PKN2: variants seen among roughly 807,000 people sequenced by gnomAD.
The protein encoded by PKN2 is serine/threonine-protein kinase N2.
A neutral mutation model predicts 119.1 loss-of-function variants in PKN2; 38 were observed. The ratio of observed to expected loss-of-function variants is 0.32; its 90% CI spans 0.25 to 0.42. The LOEUF (loss-of-function observed/expected upper bound fraction) is 0.42. PKN2 is among the 10% of genes least tolerant of loss of function. The probability of loss-of-function intolerance (pLI) is 1.00; values close to 1 mark genes in which losing one functional copy is unlikely to be tolerated. For synonymous variants in PKN2, 390 were observed against 384.9 expected (o/e 1.01, Z -0.15); for missense variants, 850 against 1,165.1 (o/e 0.73, Z 3.94).
At position 88,784,661 on chromosome 1, in the gene PKN2, G is replaced by A; in HGVS notation, c.1008G>A (p.Met336Ile). The part of the protein sequence containing the change: ...ALTGTLEVRL[M>I]GCQDILENVP... ...CAGGTACTTTGGAAGTTCGTCTTAT[G>A]GGCTGCCAAGATATCCTAGAGAATG... The change falls in exon 7 of 22, where the codon ATG becomes ATA. Residue 336 changes from methionine (M) to isoleucine (I), a missense_variant. Physicochemically the swap from Met to Ile is conservative, Grantham distance 10. Transcript: ENST00000370521. 6.3e-7 allele frequency: 1 copy of A among 1,583,200 alleles called. No homozygotes were observed. The highest frequency in any genetic ancestry group is 8.6e-7 in the Non-Finnish European group (1 of 1,165,374).
chr1:88,781,463 A>G (rs1218591041), intron 6 of PKN2, among the ~76,000 whole-genome samples: 1 of 151,208 alleles, frequency 6.6e-6, no homozygotes, highest in Non-Finnish European at 1.5e-5. Context: ...GAAAATTTTT[A>G]AAGCATTTAC....
At chr1:88,801,831 T>C (rs1306948113) in intron 8 of PKN2, among the ~76,000 whole-genome samples, 2 of 152,180 alleles carry the variant, frequency 1.3e-5, no homozygotes, top group Non-Finnish European at 2.9e-5. Context: ...GACATATATA[T>C]CCCTTATGCA....
chr1:88,786,256 T>C, intron 8 of PKN2, 43 bp downstream of exon 8: 1 of 984,296 alleles, frequency 1.0e-6, no homozygotes, highest in South Asian at 1.4e-5. Context: ...TTATAATTCA[T>C]TTTAAATGTG....
chr1:88,821,669 G>A (rs367811589), intron 16 of PKN2, among the ~76,000 whole-genome samples: 31 of 152,038 alleles, frequency 2.0e-4, no homozygotes, highest in African/African-American at 7.0e-4. Flanking sequence ...ATGTTATATT[G>A]TAATTCCTCC....
intron 19 of PKN2, among the ~76,000 whole-genome samples, chr1:88,830,125 TG>T (rs1672673925): frequency 6.6e-6 from 1 of 152,176 alleles, no homozygotes; most frequent in African/African-American, 2.4e-5. Flanking sequence ...AAGAGATTAA[TG>T]ACTTGCTTAA....
intron 6 of PKN2, among the ~76,000 whole-genome samples, chr1:88,775,360 A>G (rs1670051143): frequency 1.3e-5 from 2 of 152,192 alleles, no homozygotes; most frequent in African/African-American, 4.8e-5. Context: ...TCTTAACAGT[A>G]TGTAGCCTTT....
intron 3 of PKN2, among the ~76,000 whole-genome samples, chr1:88,766,216 A>G (rs1306600868): frequency 6.6e-6 from 1 of 152,216 alleles, no homozygotes. Flanking sequence ...TCATAGGATA[A>G]CATTCTGATT....
chr1:88,767,817 G>A (rs1362903472), intron 3 of PKN2, among the ~76,000 whole-genome samples: 1 of 152,112 alleles, frequency 6.6e-6, no homozygotes, highest in Non-Finnish European at 1.5e-5. Flanking sequence ...GTATTCAGCA[G>A]GGTATATTTC....
intron 2 of PKN2, among the ~76,000 whole-genome samples, chr1:88,752,268 T>C (rs59461210): frequency 0.015 from 2,358 of 152,208 alleles, 49 homozygotes; most frequent in African/African-American, 0.054. Context: ...TGTTATTACA[T>C]TTTTTTAATG....
intron 16 of PKN2, among the ~76,000 whole-genome samples, chr1:88,821,221 A>G (rs1173249058): frequency 6.6e-6 from 1 of 152,130 alleles, no homozygotes; most frequent in Non-Finnish European, 1.5e-5. Context: ...GCTAATTTTT[A>G]AGTTTTTGTG....
intron 1 of PKN2, among the ~76,000 whole-genome samples, chr1:88,728,787 C>G (rs1198946947): frequency 6.6e-6 from 1 of 151,766 alleles, no homozygotes; most frequent in Non-Finnish European, 1.5e-5. Context: ...TTGATAGATT[C>G]AAGTTGGAGA....
Position 88,787,556 on chromosome 1 carries a change from A to G in PKN2, c.1281+1343A>G, listed in dbSNP as rs145148637. ...CTCTGGTGATTTGAATGAGATAGAA[A>G]GATAACAGTAGCACAGAGGAGGAAA... On this transcript the variant is annotated intron_variant, in intron 8 of 21. Coordinates refer to ENST00000370521, the MANE Select transcript of PKN2 (RefSeq NM_006256.4). Among the ~76,000 whole-genome samples the G allele has an allele frequency of 3.0e-4, 45 of 152,340 alleles. No homozygotes were observed. In the East Asian group the frequency reaches 7.9e-3, roughly 27 times the overall value.
At chr1:88,689,823 A>G (rs1666257753) in intron 1 of PKN2, among the ~76,000 whole-genome samples, 1 of 152,202 alleles carries the variant, frequency 6.6e-6, no homozygotes, top group Non-Finnish European at 1.5e-5. Context: ...AGAAAAGTGC[A>G]GTAGTATGGA....
intron 6 of PKN2, among the ~76,000 whole-genome samples, chr1:88,777,265 T>A (rs1670145229): frequency 1.3e-5 from 2 of 152,150 alleles, no homozygotes; most frequent in African/African-American, 4.8e-5. Flanking sequence ...TTATAATTTT[T>A]AAATCCATAT....
intron 1 of PKN2, among the ~76,000 whole-genome samples, chr1:88,702,611 A>G (rs1233531848): frequency 6.6e-6 from 1 of 152,166 alleles, no homozygotes; most frequent in Non-Finnish European, 1.5e-5. Flanking sequence ...ATTTTATCCC[A>G]TATTCTTTTT....
intron 1 of PKN2, among the ~76,000 whole-genome samples, chr1:88,706,494 A>G (rs941642192): frequency 1.6e-4 from 25 of 152,142 alleles, no homozygotes; most frequent in Admixed American, 1.4e-3. Context: ...TGCACTGGCT[A>G]TGACCTCCAG....
chr1:88,779,842 A>C (rs192704206), intron 6 of PKN2, among the ~76,000 whole-genome samples: 252 of 152,334 alleles, frequency 1.7e-3, no homozygotes, highest in Non-Finnish European at 3.0e-3. Context: ...GATCAGTCTA[A>C]ATGTGCAGTT....
intron 16 of PKN2, among the ~76,000 whole-genome samples, chr1:88,817,877 A>G (rs534918968): frequency 4.1e-4 from 62 of 152,322 alleles, no homozygotes; most frequent in African/African-American, 1.4e-3. Flanking sequence ...GGCCAGGGCA[A>G]TCAGGCAAGA....
Position 88,784,762 on chromosome 1 carries a change from G to A in PKN2, c.1109G>A (p.Ser370Asn). 1 of 1,612,644 alleles carries A rather than the reference G, an allele frequency of 6.2e-7. No individual in the cohort carries two copies. Among genetic ancestry groups the A allele is most frequent in the Non-Finnish European group, 8.5e-7 (1 of 1,179,180 alleles). The change falls in exon 7 of 22, where the codon AGC (serine) becomes AAC (asparagine). Residue 370 changes from serine to asparagine, a missense_variant. By Grantham distance (46) the Ser-to-Asn change is conservative. Around this residue, in one of 9 missense-constraint regions of PKN2, gnomAD observed 350 missense variants for 511.1 expected, o/e 0.68. Transcript: ENST00000370521. ...AGTGAAACCAGATCATCTTTCATGAGCAGAACGAGTAAAAGTAAAAGCGGA... is the reference window on the plus strand; with the variant it reads ...AGTGAAACCAGATCATCTTTCATGAACAGAACGAGTAAAAGTAAAAGCGGA... ...SPSETRSSFM[S>N]RTSKSKSGSS...
Sources: allele counts gnomAD v4.1 joint callset (sites outside exome capture counted in the v4.1 genomes callset), GRCh38; gene constraint gnomAD v4.1.1; regional missense constraint gnomAD v4.1.1; transcripts MANE v1.5; gene names NCBI Gene and HGNC (gene_info 2026-07-23, HGNC 2026-07-21).